The following CCNE1 variants were observed in gnomAD, a reference collection of about 807,000 sequenced individuals.
The protein encoded by CCNE1 is G1/S-specific cyclin-E1.
Under a neutral mutation model 54.1 loss-of-function variants are expected in CCNE1, and 8 were observed. That is an observed-to-expected ratio of 0.15 (90% CI 0.09 to 0.27). The LOEUF is 0.27. Ranked by LOEUF, CCNE1 falls within the 10% of genes least tolerant of loss-of-function variation. The pLI, the probability that CCNE1 is intolerant of heterozygous loss-of-function variation, is 1.00. For synonymous variants in CCNE1, 179 were observed against 185.2 expected, an observed-to-expected ratio of 0.97 and a Z score of 0.27; for missense variants, 430 against 514.9, an observed-to-expected ratio of 0.84 and a Z score of 1.60.
rs569861133 is a variant in CCNE1, at chr19:29,819,066, G to A, written c.462+1525G>A. ...GCGTGAGCCACTGCGCCTGGCCCTT[G>A]AGACCCCATTTCAACAAAAAATAAA... On this transcript the variant is annotated intron_variant, in intron 6 of 11. Coordinates refer to ENST00000262643, the MANE Select transcript of CCNE1 (RefSeq NM_001238.4). Among the ~76,000 whole-genome samples, 176 of 151,688 alleles carry A rather than the reference G, an allele frequency of 1.2e-3. 1 individual carries two copies. The highest frequency in any genetic ancestry group is 4.0e-3 in the African/African-American group (167 of 41,410).
intron 8 of CCNE1, 46 bp downstream of exon 8, chr19:29,821,863 A>G: frequency 6.6e-7 from 1 of 1,521,778 alleles, no homozygotes; most frequent in East Asian, 2.3e-5. Context: ...TGCGTACGGC[A>G]GATCTTTTCC....
chr19:29,817,066 G>A, intron 4 of CCNE1, 71 bp from the exon 5 acceptor site: 1 of 1,479,618 alleles, frequency 6.8e-7, no homozygotes, highest in Admixed American at 1.9e-5. Flanking sequence ...AGGTGAATTT[G>A]TAATGTTTTT....
At chr19:29,820,193 G>A (rs1481090223) in intron 6 of CCNE1, among the ~76,000 whole-genome samples, 2 of 152,176 alleles carry the variant, frequency 1.3e-5, no homozygotes, top group Admixed American at 1.3e-4. Context: ...TGCGGGCAAG[G>A]GGATGATTCA....
At chr19:29,814,656 T>C (rs1254979830) in intron 4 of CCNE1, among the ~76,000 whole-genome samples, 1 of 152,200 alleles carries the variant, frequency 6.6e-6, no homozygotes, top group Admixed American at 6.5e-5. Context: ...AGAACCTTTT[T>C]CCCTGCTCAC....
chr19:29,820,199 A>G (rs984001429), intron 6 of CCNE1, among the ~76,000 whole-genome samples: 2 of 152,194 alleles, frequency 1.3e-5, no homozygotes, highest in African/African-American at 4.8e-5. Flanking sequence ...CAAGGGGATG[A>G]TTCACATCCT....
chr19:29,815,558 C>G (rs1021464491), intron 4 of CCNE1, among the ~76,000 whole-genome samples: 4 of 151,532 alleles, frequency 2.6e-5, no homozygotes, highest in African/African-American at 9.7e-5. Context: ...GCCCGAGTTT[C>G]CACTTTCATT....
At chr19:29,813,148 T>A in intron 4 of CCNE1, 111 bp downstream of exon 4, 1 of 972,324 alleles carries the variant, frequency 1.0e-6, no homozygotes, top group South Asian at 1.4e-5. Context: ...AGTGAACTTC[T>A]CTAATGCAGC....
chr19:29,814,023 A>G (rs540433612), intron 4 of CCNE1, among the ~76,000 whole-genome samples: 2 of 152,216 alleles, frequency 1.3e-5, no homozygotes, highest in Non-Finnish European at 2.9e-5. Flanking sequence ...GTTTCAACGC[A>G]GTGCGCCGTG....
chr19:29,813,166 C>A, intron 4 of CCNE1, 129 bp downstream of exon 4: 1 of 795,824 alleles, frequency 1.3e-6, no homozygotes, highest in Non-Finnish European at 2.1e-6. Context: ...AGCCACAGCC[C>A]ATATGGCCCA....
chr19:29,816,112 C>T (rs962485030), intron 4 of CCNE1, among the ~76,000 whole-genome samples: 4 of 147,606 alleles, frequency 2.7e-5, no homozygotes, highest in Non-Finnish European at 4.4e-5. Flanking sequence ...GCTGAGATTA[C>T]ACCACTGCAC....
chr19:29,822,749 G>C, intron 11 of CCNE1, 146 bp downstream of exon 11: 1 of 719,762 alleles, frequency 1.4e-6, no homozygotes, highest in Non-Finnish European at 2.3e-6. Flanking sequence ...TTCAAGACCA[G>C]CCTGGCCAAC....
chr19:29,817,003 G>T lies in CCNE1; in HGVS notation c.181-134G>T, dbSNP rs566927332. ...GAGTTGTGACAAAAAATATCATAAT[G>T]TATCTTTTTGGAAGCACTTTCAGAA... On this transcript the variant is annotated intron_variant, in intron 4 of 11. Transcript: ENST00000262643. The T allele has an allele frequency of 3.4e-5, 29 of 845,166 alleles. No homozygotes were observed. In the East Asian group the frequency reaches 7.5e-4, roughly 22 times the overall value. The allele number at this position is 845,166 out of a possible 1,614,324, so 52.4% of individuals were successfully genotyped here.
rs1242071817 is a variant in CCNE1 at position 29,824,070 on chromosome 19, C to T, written c.*293C>T. The T allele has an allele frequency of 3.2e-6, 1 of 315,938 alleles. No homozygotes were observed. Among genetic ancestry groups the T allele is most frequent in the East Asian group, 4.7e-5 (1 of 21,482 alleles). 19.6% of individuals were successfully genotyped at this position (315,938 alleles called of 1,614,324 possible). On this transcript the variant is annotated 3_prime_UTR_variant, in exon 12 of 12. Coordinates refer to ENST00000262643, the MANE Select transcript of CCNE1 (RefSeq NM_001238.4). ...TTGACCTAAGGGACTCCCACAACAA[C>T]AAAAGCTTGAAGCTGTGGAGGGCCA...
At chr19:29,813,775 GC>G (rs1973947909) in intron 4 of CCNE1, among the ~76,000 whole-genome samples, 1 of 152,060 alleles carries the variant, frequency 6.6e-6, no homozygotes, top group Non-Finnish European at 1.5e-5. Flanking sequence ...GAAGTTTCTT[GC>G]AGAAAAAGCT....
In CCNE1 at chr19:29,812,587, C is replaced by T. The variant is rs1023680947; in HGVS notation, c.23+9C>T. On this transcript the variant is annotated intron_variant, in intron 2 of 11. Coordinates refer to ENST00000262643, the MANE Select transcript of CCNE1 (RefSeq NM_001238.4). ...AGGGAGCGCAGGGAGCGGTGAGTGC[C>T]CGCGCCGCGGGGCCGGACGGGACGG... 25 of 1,524,634 alleles carry T rather than the reference C, an allele frequency of 1.6e-5. No individual in the cohort carries two copies. Among genetic ancestry groups the T allele is most frequent in the Non-Finnish European group, 2.1e-5 (24 of 1,138,580 alleles). The allele number at this position is 1,524,634 out of a possible 1,614,324, so 94.4% of individuals were successfully genotyped here.
intron 4 of CCNE1, among the ~76,000 whole-genome samples, chr19:29,815,158 A>G (rs1973983030): frequency 6.6e-6 from 1 of 152,212 alleles, no homozygotes; most frequent in Non-Finnish European, 1.5e-5. Flanking sequence ...TAGTTTGGGA[A>G]CTGCTGCTGG....
At position 29,812,982 on chromosome 19, in the gene CCNE1, C is replaced by A. The variant is rs146376659; in HGVS notation, c.125C>A (p.Pro42Gln). The A allele has an allele frequency of 4.3e-5, 70 of 1,613,950 alleles. No individual in the cohort carries two copies. In the African/African-American group the frequency reaches 6.9e-4, roughly 16 times the overall value. The change falls in exon 4 of 12, where the codon CCA becomes CAA. Residue 42 changes from proline (P) to glutamine (Q), a missense_variant. Physicochemically the swap from Pro to Gln is moderately conservative, Grantham distance 76. Around this residue, in one of 2 missense-constraint regions of CCNE1, gnomAD observed 127 missense variants for 113.8 expected, o/e 1.12. Transcript: ENST00000262643. The part of the protein sequence containing the change: ...KANVTVFLQD[P>Q]DEEMAKIDRT... Reference sequence around the variant, plus strand: ...GCTTCATGTTAGTTTTTGCAGGATCCAGATGAAGAAATGGCCAAAATCGAC... The same window carrying A: ...GCTTCATGTTAGTTTTTGCAGGATCAAGATGAAGAAATGGCCAAAATCGAC...
At chr19:29,821,952 T>C (rs762376132) in intron 8 of CCNE1, 44 bp from the exon 9 acceptor site, 1 of 1,591,626 alleles carries the variant, frequency 6.3e-7, no homozygotes, top group East Asian at 2.2e-5. Flanking sequence ...ATTTTGAACT[T>C]CTTTTCTCAA....
Position 29,821,727 on chromosome 19 carries a change from C to T in CCNE1, c.615C>T (p.Ile205=). ...CATCTTTTATTTCCTTTCAGGAAAT[C>T]TATCCTCCAAAGTTGCACCAGTTTG... is the stretch of plus-strand genomic sequence containing the variant. The part of the protein sequence containing the change: ...SLFIAAKLEE[I]YPPKLHQFAY... Residue 205 remains isoleucine (I), a synonymous_variant, in exon 8 of 12, where the codon ATC becomes ATT. Transcript: ENST00000262643. 1 of 1,600,706 alleles carries T rather than the reference C, an allele frequency of 6.2e-7. No homozygotes were observed. Among genetic ancestry groups the T allele is most frequent in the Non-Finnish European group, 8.6e-7 (1 of 1,168,024 alleles).
Sources: gnomAD v4.1 joint callset for allele counts (sites outside exome capture counted in the v4.1 genomes callset) on GRCh38, gnomAD v4.1.1 for gene constraint, gnomAD v4.1.1 regional missense constraint, MANE v1.5 for transcripts, NCBI Gene and HGNC (gene_info 2026-07-23, HGNC 2026-07-21) for gene names.